GLT6D1: variants seen among roughly 807,000 people sequenced by gnomAD.
GLT6D1 encodes the protein glycosyltransferase 6 domain containing 1.
Under a neutral mutation model 12.3 loss-of-function variants are expected in GLT6D1, and 9 were observed. The ratio of observed to expected loss-of-function variants is 0.73; its 90% CI spans 0.44 to 1.27. GLT6D1 has a LOEUF of 1.27. GLT6D1 is among the 50% of genes most tolerant of loss of function. GLT6D1 has a pLI of 0.00. For synonymous variants in GLT6D1, 128 were observed against 132.3 expected, an observed-to-expected ratio of 0.97 and a Z score of 0.23; for missense variants, 335 against 346.2, an observed-to-expected ratio of 0.97 and a Z score of 0.26.
At chr9:135,633,978 G>A (rs759628924) in intron 2 of GLT6D1, among the ~76,000 whole-genome samples, 5 of 152,126 alleles carry the variant, frequency 3.3e-5, no homozygotes, top group Non-Finnish European at 5.9e-5. Context: ...ATGGGTCCCT[G>A]TCCCCTTTCT....
intron 3 of GLT6D1, 44 bp downstream of exon 3, chr9:135,631,387 T>C (rs755551351): frequency 7.0e-7 from 1 of 1,434,194 alleles, no homozygotes; most frequent in Non-Finnish European, 9.8e-7. Flanking sequence ...CCAATTGAAG[T>C]ATATTGTTTG....
Position 135,631,456 on chromosome 9 carries a change from GA to G in GLT6D1, c.93del (p.Arg32GlyfsTer15). On this transcript the variant is annotated frameshift_variant, in exon 3 of 5. Transcript: ENST00000371763. LOFTEE classifies it high-confidence loss of function. ...RYFRNHQVEE[L>X]RLSDWFHPRK... is the part of the protein sequence containing the mutation. The stretch of plus-strand genomic sequence containing the variant: ...CTAGGATGAAACCAGTCTGAGAGCC[GA>G]AGTTCTTCTACTTGGTGATTCCTGG... 1 of 1,611,490 alleles carries G rather than the reference GA, an allele frequency of 6.2e-7. No individual in the cohort carries two copies. Among genetic ancestry groups the G allele is most frequent in the Non-Finnish European group, 8.5e-7 (1 of 1,177,712 alleles).
At chr9:135,630,994 A>G (rs1434012507) in intron 3 of GLT6D1, among the ~76,000 whole-genome samples, 1 of 144,728 alleles carries the variant, frequency 6.9e-6, no homozygotes, top group Non-Finnish European at 1.5e-5. Context: ...AAAAAAAAAG[A>G]CGGGTTACAT....
At chr9:135,627,559 A>G (rs1056575359) in intron 3 of GLT6D1, among the ~76,000 whole-genome samples, 35 of 152,276 alleles carry the variant, frequency 2.3e-4, no homozygotes, top group Admixed American at 2.3e-3. Flanking sequence ...TTTTGTTTAT[A>G]TGTTCATTAG....
Position 135,623,825 on chromosome 9 carries a change from C to G in GLT6D1, c.*272G>C. 1 of 352,494 alleles carries G rather than the reference C, an allele frequency of 2.8e-6. No individual in the cohort carries two copies. Among genetic ancestry groups the G allele is most frequent in the South Asian group, 4.5e-5 (1 of 22,056 alleles). The allele number at this position is 352,494 out of a possible 1,614,324, so 21.8% of individuals were successfully genotyped here. A position where few individuals can be genotyped will look rare whatever the true frequency, so the allele number is the denominator to read the frequency against. ...TGTGTATTAACATTAAGTAATTATC[C>G]TTTTATTCTTTATCCTACATTAGCC... On this transcript the variant is annotated 3_prime_UTR_variant, in exon 5 of 5. Coordinates refer to ENST00000371763, the MANE Select transcript of GLT6D1 (RefSeq NM_182974.3).
intron 4 of GLT6D1, 46 bp downstream of exon 4, chr9:135,626,023 C>A (rs1833506005): frequency 1.2e-6 from 2 of 1,603,750 alleles, no homozygotes; most frequent in Non-Finnish European, 1.7e-6. Flanking sequence ...GAATGCTGAT[C>A]CACATTTTCC....
At chr9:135,634,182 G>C (rs752049278) in intron 2 of GLT6D1, among the ~76,000 whole-genome samples, 18 of 152,136 alleles carry the variant, frequency 1.2e-4, no homozygotes, top group Non-Finnish European at 2.1e-4. Context: ...AGGCTGGAGT[G>C]CAGTGGTGCG....
rs370736696 is a variant in GLT6D1 at position 135,624,436 on chromosome 9, G to A, written c.492C>T (p.Asp164=). 9.8e-5 allele frequency: 158 copies of A among 1,614,018 alleles called. No individual in the cohort carries two copies. The highest frequency in any genetic ancestry group is 3.3e-4 in the Middle Eastern group (2 of 6,084). Reference sequence around the variant, plus strand: ...CCATGCTGAAGAGGAAGTCCACCTCGTCCTGGATGTGACTGGCGATGTGTT... The same window carrying A: ...CCATGCTGAAGAGGAAGTCCACCTCATCCTGGATGTGACTGGCGATGTGTT... ...LGEHIASHIQ[D]EVDFLFSMAA... is the part of the protein sequence containing the mutation. The change falls in exon 5 of 5, where the codon GAC becomes GAT. Residue 164 remains aspartate, a synonymous_variant. Transcript: ENST00000371763.
intron 2 of GLT6D1, among the ~76,000 whole-genome samples, chr9:135,635,138 C>T (rs1242176132): frequency 2.0e-5 from 3 of 152,108 alleles, no homozygotes; most frequent in African/African-American, 7.2e-5. Flanking sequence ...CTTCTTTTTG[C>T]TCCTCCAATC....
At chr9:135,632,455 C>A (rs1833671365) in intron 2 of GLT6D1, among the ~76,000 whole-genome samples, 1 of 152,234 alleles carries the variant, frequency 6.6e-6, no homozygotes, top group East Asian at 1.9e-4. Flanking sequence ...TGATTGGATT[C>A]CCCAGGCGTA....
At chr9:135,632,318 A>G (rs1483211424) in intron 2 of GLT6D1, among the ~76,000 whole-genome samples, 1 of 152,010 alleles carries the variant, frequency 6.6e-6, no homozygotes, top group Non-Finnish European at 1.5e-5. Flanking sequence ...TTATTTGTAG[A>G]GACAGGGTCT....
At chr9:135,631,615 G>T in intron 2 of GLT6D1, 137 bp from the exon 3 acceptor site, 1 of 714,166 alleles carries the variant, frequency 1.4e-6, no homozygotes, top group Non-Finnish European at 2.6e-6. Context: ...TCCCAGAGAA[G>T]AGATATCTCA....
Position 135,624,037 on chromosome 9 carries a change from G to A in GLT6D1, c.*60C>T, listed in dbSNP as rs151325954. On this transcript the variant is annotated 3_prime_UTR_variant, in exon 5 of 5. Transcript: ENST00000371763. ...TCTGGGAATCATGTGCGACCTTGAC[G>A]TATTGGATCTGTGGAGGAGGAGAAA... 719 of 1,012,514 alleles carry A rather than the reference G, an allele frequency of 7.1e-4. 5 individuals carry two copies. In the East Asian group the frequency reaches 8.3e-3, roughly 12 times the overall value. The allele number at this position is 1,012,514 out of a possible 1,614,324, so 62.7% of individuals were successfully genotyped here. A position where few individuals can be genotyped will look rare whatever the true frequency, so the allele number is the denominator to read the frequency against.
At chr9:135,633,856 G>T (rs1833706128) in intron 2 of GLT6D1, among the ~76,000 whole-genome samples, 1 of 152,096 alleles carries the variant, frequency 6.6e-6, no homozygotes, top group Non-Finnish European at 1.5e-5. Flanking sequence ...CTAGAATCAA[G>T]ATCCATTTAT....
At position 135,639,204 on chromosome 9, in the gene GLT6D1, A is replaced by T. The variant is rs527627465; in HGVS notation, c.-6-11T>A. 2 of 1,429,784 alleles carry T rather than the reference A, an allele frequency of 1.4e-6. No individual in the cohort carries two copies. The highest frequency in any genetic ancestry group is 4.6e-5 in the East Asian group (2 of 43,922). The allele number at this position is 1,429,784 out of a possible 1,614,324, so 88.6% of individuals were successfully genotyped here. On this transcript the variant is annotated splice_polypyrimidine_tract_variant and intron_variant, in intron 1 of 4. Transcript: ENST00000371763. ...AGAATTCATTCTCTCCTAGGGAAAG[A>T]AGGAGAAAAAATTAGATTTTAAGCA... is the stretch of plus-strand genomic sequence containing the variant.
Position 135,624,422 on chromosome 9 carries a change from A to G in GLT6D1, c.506T>C (p.Leu169Pro). 2 of 1,614,148 alleles carry G rather than the reference A, an allele frequency of 1.2e-6. No homozygotes were observed. The highest frequency in any genetic ancestry group is 1.7e-5 in the Admixed American group (1 of 60,020). The part of the protein sequence containing the change: ...ASHIQDEVDF[L>P]FSMAANQVFQ... ...GACCTGGTTGGCAGCCATGCTGAAGAGGAAGTCCACCTCGTCCTGGATGTG... is the reference window on the plus strand; with the variant it reads ...GACCTGGTTGGCAGCCATGCTGAAGGGGAAGTCCACCTCGTCCTGGATGTG... The change falls in exon 5 of 5, where the codon CTC (leucine) becomes CCC (proline). Residue 169 changes from leucine (L) to proline (P), a missense_variant. By Grantham distance (98) the Leu-to-Pro change is moderately conservative (BLOSUM62 -3). Coordinates refer to ENST00000371763, the MANE Select transcript of GLT6D1 (RefSeq NM_182974.3).
Position 135,624,448 on chromosome 9 carries a change from A to T in GLT6D1, c.480T>A (p.Ser160Arg), listed in dbSNP as rs1351669979. Residue 160 changes from serine (S) to arginine (R), a missense_variant, in exon 5 of 5, where the codon AGT (serine) becomes AGA (arginine). Coordinates refer to ENST00000371763, the MANE Select transcript of GLT6D1 (RefSeq NM_182974.3). Reference sequence around the variant, plus strand: ...GGAAGTCCACCTCGTCCTGGATGTGACTGGCGATGTGTTCACCCAGGCTCT... The same window carrying T: ...GGAAGTCCACCTCGTCCTGGATGTGTCTGGCGATGTGTTCACCCAGGCTCT... ...HVKSLGEHIA[S>R]HIQDEVDFLF... 4.3e-6 allele frequency: 7 copies of T among 1,614,132 alleles called. No individual in the cohort carries two copies. The Admixed American group carries it at 1.2e-4, about 27-fold the overall frequency.
At chr9:135,629,574 C>A (rs572057337) in intron 3 of GLT6D1, among the ~76,000 whole-genome samples, 5 of 152,082 alleles carry the variant, frequency 3.3e-5, no homozygotes, top group Non-Finnish European at 7.4e-5. Flanking sequence ...TGAGAGTATT[C>A]TTCTCTTGTT....
At chr9:135,626,696 C>G (rs762146321) in intron 3 of GLT6D1, among the ~76,000 whole-genome samples, 1 of 152,140 alleles carries the variant, frequency 6.6e-6, no homozygotes, top group African/African-American at 2.4e-5. Context: ...CCTTTTCCTA[C>G]AAGTTTCTGG....
Sources: gnomAD v4.1 joint callset for allele counts (sites outside exome capture counted in the v4.1 genomes callset) on GRCh38, gnomAD v4.1.1 for gene constraint, MANE v1.5 for transcripts, NCBI Gene and HGNC (gene_info 2026-07-23, HGNC 2026-07-21) for gene names.